The following SLC52A1 variants were observed in gnomAD, a reference collection of about 807,000 sequenced individuals.
SLC52A1 encodes the protein solute carrier family 52, riboflavin transporter, member 1.
SLC52A1 carries 20 observed loss-of-function variants against 23.2 expected under a neutral mutation model. The ratio of observed to expected loss-of-function variants is 0.86; its 90% CI spans 0.61 to 1.25. The LOEUF is 1.25. Among genes scored for constraint, SLC52A1 ranks in the 50% most tolerant of loss-of-function variants. SLC52A1 has a pLI of 0.00. For missense variants in SLC52A1, 528 were observed against 557.0 expected, an observed-to-expected ratio of 0.95 and a Z score of 0.52; for synonymous variants, 260 against 256.6, an observed-to-expected ratio of 1.01 and a Z score of -0.13.
chr17:5,039,079 G>A (rs1363192388), upstream of SLC52A1, among the ~76,000 whole-genome samples: 1 of 151,702 alleles, frequency 6.6e-6, no homozygotes, highest in East Asian at 2.0e-4. Flanking sequence ...TCCTAGCACT[G>A]TGGGAGGCTG....
At position 5,034,491 on chromosome 17, in the gene SLC52A1, T is replaced by C; in HGVS notation, c.116A>G (p.Lys39Arg). 6.2e-7 allele frequency: 1 copy of C among 1,614,138 alleles called. No homozygotes were observed. Among genetic ancestry groups the C allele is most frequent in the Non-Finnish European group, 8.5e-7 (1 of 1,180,008 alleles). The change falls in exon 2 of 5, where the codon AAA becomes AGA. Residue 39 changes from lysine (K) to arginine (R), a missense_variant. Transcript: ENST00000254853. ...GIWVELPVVV[K>R]DLPEGWSLPS... ...CTCCCACTCACCCTCTGGAAGGTCT[T>C]TTACCACCACAGGCAGCTCCACCCA...
In SLC52A1 at chr17:5,032,625, C is replaced by T. The variant is rs1227895681; in HGVS notation, c.*332G>A. On this transcript the variant is annotated 3_prime_UTR_variant, in exon 5 of 5. Coordinates refer to ENST00000254853, the MANE Select transcript of SLC52A1 (RefSeq NM_017986.4). ...TATATGTATGAAAAATTATTTAATC[C>T]AGTTTCCTGATTTCATTATATATTT... The T allele has an allele frequency of 9.1e-6, 2 of 218,814 alleles. No homozygotes were observed. The highest frequency in any genetic ancestry group is 5.3e-5 in the Admixed American group (1 of 18,720). The allele number at this position is 218,814 out of a possible 1,614,324, so 13.6% of individuals were successfully genotyped here. A position where few individuals can be genotyped will look rare whatever the true frequency, so the allele number is the denominator to read the frequency against.
Position 5,034,723 on chromosome 17 carries a change from A to T in SLC52A1, c.-107-10T>A, listed in dbSNP as rs1567735575. 1 of 1,396,108 alleles carries T rather than the reference A, an allele frequency of 7.2e-7. No homozygotes were observed. Among genetic ancestry groups the T allele is most frequent in the Non-Finnish European group, 9.6e-7 (1 of 1,039,984 alleles). 86.5% of individuals were successfully genotyped at this position (1,396,108 alleles called of 1,614,324 possible). A position where few individuals can be genotyped will look rare whatever the true frequency, so the allele number is the denominator to read the frequency against. ...ACTGAAGACCTTCTAGCTGGAGGGA[A>T]ACAGACAGGCTGGCAGGTAATAGGC... is the stretch of plus-strand genomic sequence containing the variant. On this transcript the variant is annotated splice_polypyrimidine_tract_variant and intron_variant, in intron 1 of 4. Coordinates refer to ENST00000254853, the MANE Select transcript of SLC52A1 (RefSeq NM_017986.4).
Position 5,032,955 on chromosome 17 carries a change from G to T in SLC52A1, c.*2C>A, listed in dbSNP as rs149826513. 3.2e-4 allele frequency: 512 copies of T among 1,610,078 alleles called. 1 individual carries two copies. In the African/African-American group the frequency reaches 6.4e-3, roughly 20 times the overall value. The stretch of plus-strand genomic sequence containing the variant: ...TGGAGTTGGGTCCCCACCTGCCCAG[G>T]CTCAGGGGCCACAGGGGTCTACACA... On this transcript the variant is annotated 3_prime_UTR_variant, in exon 5 of 5. Transcript: ENST00000254853.
At position 5,034,505 on chromosome 17, in the gene SLC52A1, C is replaced by A. The variant is rs1250709753; in HGVS notation, c.102G>T (p.Leu34=). ...CTGGAAGGTCTTTTACCACCACAGGCAGCTCCACCCAGATCCCGTTCACAG... is the reference window on the plus strand; with the variant it reads ...CTGGAAGGTCTTTTACCACCACAGGAAGCTCCACCCAGATCCCGTTCACAG... ...WAAVNGIWVE[L]PVVVKDLPEG... is the part of the protein sequence containing the mutation. The change falls in exon 2 of 5, where the codon CTG becomes CTT. Residue 34 remains leucine, a synonymous_variant. Coordinates refer to ENST00000254853, the MANE Select transcript of SLC52A1 (RefSeq NM_017986.4). 1.9e-6 allele frequency: 3 copies of A among 1,614,238 alleles called. No individual in the cohort carries two copies. Among genetic ancestry groups the A allele is most frequent in the African/African-American group, 1.3e-5 (1 of 75,058 alleles).
upstream of SLC52A1, among the ~76,000 whole-genome samples, chr17:5,037,080 T>A (rs1343122538): frequency 6.6e-6 from 1 of 151,824 alleles, no homozygotes; most frequent in Non-Finnish European, 1.5e-5. Flanking sequence ...GCACAGGAGG[T>A]CAAGGCTGCA....
chr17:5,035,828 C>G (rs910474272), upstream of SLC52A1, among the ~76,000 whole-genome samples: 15 of 151,274 alleles, frequency 9.9e-5, no homozygotes, highest in South Asian at 6.2e-4. Context: ...CCCCACCCCC[C>G]CACAAGTAGC....
At position 5,033,976 on chromosome 17, in the gene SLC52A1, C is replaced by T; in HGVS notation, c.513G>A (p.Glu171=). ...LALVQGVGRL[E]CPPAPTNGTS... ...TGCCATTGGTGGGCGCTGGTGGGCA[C>T]TCGAGGCGGCCCACACCTTGCACTA... Residue 171 remains glutamate (E), a synonymous_variant, in exon 3 of 5, where the codon GAG becomes GAA. Coordinates refer to ENST00000254853, the MANE Select transcript of SLC52A1 (RefSeq NM_017986.4). 5 of 1,614,042 alleles carry T rather than the reference C, an allele frequency of 3.1e-6. No homozygotes were observed. Among genetic ancestry groups the T allele is most frequent in the Non-Finnish European group, 4.2e-6 (5 of 1,179,958 alleles).
At chr17:5,038,509 A>G (rs1567737006), upstream of SLC52A1, among the ~76,000 whole-genome samples, 1 of 152,166 alleles carries the variant, frequency 6.6e-6, no homozygotes, top group African/African-American at 2.4e-5. Flanking sequence ...GGTCACATTT[A>G]GTTTCCCACA....
chr17:5,036,320 C>T (rs890407242), upstream of SLC52A1, among the ~76,000 whole-genome samples: 13 of 150,390 alleles, frequency 8.6e-5, no homozygotes, highest in Non-Finnish European at 1.6e-4. Context: ...CGTGAGCCAC[C>T]GTGCCTGGCC....
Position 5,034,315 on chromosome 17 carries a change from T to C in SLC52A1, c.174A>G (p.Gly58=), listed in dbSNP as rs1392577522. The part of the protein sequence containing the change: ...PSYLSVVVAL[G]NLGLLVVTLW... ...GGGTCACCACCAGCAGACCCAGGTT[T>C]CCCAGCGCCACAACCACAGAGAGGT... The change falls in exon 3 of 5, where the codon GGA becomes GGG. Residue 58 remains glycine, a synonymous_variant. Coordinates refer to ENST00000254853, the MANE Select transcript of SLC52A1 (RefSeq NM_017986.4). 6.3e-7 allele frequency: 1 copy of C among 1,592,372 alleles called. No homozygotes were observed. Among genetic ancestry groups the C allele is most frequent in the African/African-American group, 1.3e-5 (1 of 74,392 alleles).
At chr17:5,037,919 T>C (rs866173512), upstream of SLC52A1, among the ~76,000 whole-genome samples, 72 of 142,768 alleles carry the variant, frequency 5.0e-4, 7 homozygotes, top group South Asian at 3.0e-3. Flanking sequence ...CCTTCCTTTT[T>C]TTTTTTTTTT....
At chr17:5,042,108 G>A (rs1975551219) in intron 1 of SLC52A1, among the ~76,000 whole-genome samples, 1 of 152,156 alleles carries the variant, frequency 6.6e-6, no homozygotes, top group Admixed American at 6.6e-5. Context: ...ACAATGGTTA[G>A]GGCTTCTATT....
chr17:5,034,592 C>A lies in SLC52A1; in HGVS notation c.15G>T (p.Thr5=), dbSNP rs780258226. Reference sequence around the variant, plus strand: ...GGTGGGTCAGCACCAGACGGCCCAGCGTGGGTGCTGCCATTCAGCCCAAAG... The same window carrying A: ...GGTGGGTCAGCACCAGACGGCCCAGAGTGGGTGCTGCCATTCAGCCCAAAG... MAAP[T]LGRLVLTHLL... is the part of the protein sequence containing the mutation. Residue 5 remains threonine (T), a synonymous_variant, in exon 2 of 5, where the codon ACG becomes ACT. Transcript: ENST00000254853. The A allele has an allele frequency of 1.9e-5, 30 of 1,614,064 alleles. No individual in the cohort carries two copies. The highest frequency in any genetic ancestry group is 2.5e-5 in the Non-Finnish European group (29 of 1,180,042).
upstream of SLC52A1, among the ~76,000 whole-genome samples, chr17:5,035,600 C>G (rs902941892): frequency 6.6e-6 from 1 of 152,214 alleles, no homozygotes; most frequent in Admixed American, 6.5e-5. Context: ...CCGGACCCAG[C>G]GGCTGGCGGT....
intron 1 of SLC52A1, among the ~76,000 whole-genome samples, chr17:5,040,658 C>A (rs973489520): frequency 1.3e-5 from 2 of 152,288 alleles, no homozygotes; most frequent in Admixed American, 1.3e-4. Context: ...CGCCAAGGTG[C>A]AGAATCCTCA....
chr17:5,038,256 G>T (rs1428088628), upstream of SLC52A1, among the ~76,000 whole-genome samples: 1 of 152,002 alleles, frequency 6.6e-6, no homozygotes, highest in East Asian at 1.9e-4. Flanking sequence ...GCCTGACACA[G>T]TGGTGTGTGC....
At chr17:5,040,450 AG>A (rs1050690134) in intron 1 of SLC52A1, among the ~76,000 whole-genome samples, 1 of 152,166 alleles carries the variant, frequency 6.6e-6, no homozygotes, top group Non-Finnish European at 1.5e-5. Context: ...TTGGGATTAT[AG>A]GCATGAACCA....
At position 5,034,161 on chromosome 17, in the gene SLC52A1, G is replaced by T. The variant is rs1975400001; in HGVS notation, c.328C>A (p.His110Asn). The T allele has an allele frequency of 1.9e-6, 3 of 1,614,022 alleles. No homozygotes were observed. The highest frequency in any genetic ancestry group is 2.5e-6 in the Non-Finnish European group (3 of 1,179,974). ...HHVAPVAGQL[H>N]SVAFLTLALV... ...GCCAGAGTTAGGAAGGCCACAGAGT[G>T]GAGCTGCCCTGCCACTGGGGCCACG... The change falls in exon 3 of 5, where the codon CAC becomes AAC. Residue 110 changes from histidine (H) to asparagine (N), a missense_variant. Coordinates refer to ENST00000254853, the MANE Select transcript of SLC52A1 (RefSeq NM_017986.4).
Sources: gnomAD v4.1 joint callset for allele counts (sites outside exome capture counted in the v4.1 genomes callset) on GRCh38, gnomAD v4.1.1 for gene constraint, MANE v1.5 for transcripts, NCBI Gene and HGNC (gene_info 2026-07-23, HGNC 2026-07-21) for gene names.